The following MTTP variants were observed in gnomAD, a reference collection of about 807,000 sequenced individuals.
MTTP encodes the protein microsomal triglyceride transfer protein, also known as microsomal triglyceride transfer protein large subunit.
A neutral mutation model predicts 90.6 loss-of-function variants in MTTP; 49 were observed. The observed-to-expected ratio is 0.54, with a 90% CI of 0.43 to 0.69. The LOEUF (loss-of-function observed/expected upper bound fraction) is 0.69, where lower values mean the gene tolerates loss of function less well. MTTP is among the 30% of genes least tolerant of loss of function. The pLI, the probability that MTTP is intolerant of heterozygous loss-of-function variation, is 0.00. For missense variants in MTTP, 945 were observed against 1,067.5 expected, an observed-to-expected ratio of 0.89 and a Z score of 1.60; for synonymous variants, 347 against 384.2, an observed-to-expected ratio of 0.90 and a Z score of 1.13.
At chr4:99,569,312 C>G (rs1724781529) in intron 1 of MTTP, among the ~76,000 whole-genome samples, 1 of 151,860 alleles carries the variant, frequency 6.6e-6, no homozygotes, top group East Asian at 1.9e-4. Context: ...CTATTACAGC[C>G]AAGAGGAGCC....
intron 8 of MTTP, among the ~76,000 whole-genome samples, chr4:99,597,917 TTGA>T (rs1161519713): frequency 6.6e-6 from 1 of 152,172 alleles, no homozygotes; most frequent in Non-Finnish European, 1.5e-5. Context: ...ATTATCCTAA[TTGA>T]TGATATAGAA....
chr4:99,564,314 CTG>C, intron 1 of MTTP: 2 of 1,408,798 alleles, frequency 1.4e-6, no homozygotes, highest in Non-Finnish European at 9.5e-7. Context: ...CCTAATTTTT[CTG>C]TGTTGAAAAT....
chr4:99,606,153 A>G (rs1431705664), intron 10 of MTTP, among the ~76,000 whole-genome samples: 1 of 152,134 alleles, frequency 6.6e-6, no homozygotes, highest in African/African-American at 2.4e-5. Context: ...CCTTTTTCTC[A>G]GACTAGGACA....
intron 3 of MTTP, chr4:99,583,936 G>T (rs974339717): frequency 8.4e-6 from 2 of 237,186 alleles, no homozygotes; most frequent in African/African-American, 4.6e-5. Context: ...GATTTGTTAT[G>T]AGATTATCGA....
intron 3 of MTTP, among the ~76,000 whole-genome samples, chr4:99,588,958 T>A (rs1354898207): frequency 6.0e-5 from 5 of 82,934 alleles, no homozygotes; most frequent in Non-Finnish European, 1.1e-4. Context: ...TATACACACA[T>A]ATATATGTTC....
Position 99,622,905 on chromosome 4 carries a change from A to G in MTTP, c.*57A>G. 1 of 1,542,526 alleles carries G rather than the reference A, an allele frequency of 6.5e-7. No homozygotes were observed. Among genetic ancestry groups the G allele is most frequent in the Non-Finnish European group, 9.0e-7 (1 of 1,115,150 alleles). ...CTCCCCGAAAGGGACACAATGTGGC[A>G]TGACTAAGTACTTGCTCTCTGAGAG... On this transcript the variant is annotated 3_prime_UTR_variant, in exon 18 of 18. Coordinates refer to ENST00000265517, the MANE Select transcript of MTTP (RefSeq NM_001386140.1).
intron 15 of MTTP, among the ~76,000 whole-genome samples, chr4:99,618,084 T>C (rs1726140680): frequency 6.6e-6 from 1 of 152,174 alleles, no homozygotes. Context: ...ACAGTATATA[T>C]TCATACAATT....
intron 16 of MTTP, 147 bp downstream of exon 16, chr4:99,619,245 T>C: frequency 1.2e-6 from 1 of 812,110 alleles, no homozygotes; most frequent in South Asian, 1.6e-5. Context: ...TTGGAAGTGA[T>C]CATAGGAAAT....
chr4:99,619,004 A>C lies in MTTP; in HGVS notation c.2248A>C (p.Asn750His). 1 of 1,613,350 alleles carries C rather than the reference A, an allele frequency of 6.2e-7. No homozygotes were observed. The highest frequency in any genetic ancestry group is 8.5e-7 in the Non-Finnish European group (1 of 1,179,364). ...TCAGTTACAATCTGGACTAAAAGCC[A>C]ATATAGAGGTCCAGGGTGGTCTAGC... Reference protein sequence around the residue: ...ELQLQSGLKANIEVQGGLAID... With the variant: ...ELQLQSGLKAHIEVQGGLAID... Residue 750 changes from asparagine to histidine, a missense_variant, in exon 16 of 18, where the codon AAT (asparagine) becomes CAT (histidine). Transcript: ENST00000265517.
At chr4:99,573,612 G>T (rs1021749175), upstream of MTTP, among the ~76,000 whole-genome samples, 2 of 152,074 alleles carry the variant, frequency 1.3e-5, no homozygotes, top group African/African-American at 4.8e-5. Flanking sequence ...GAGGAAATAT[G>T]CTTAACTTTG....
At chr4:99,603,040 AT>A in intron 10 of MTTP, among the ~76,000 whole-genome samples, 1 of 152,252 alleles carries the variant, frequency 6.6e-6, no homozygotes, top group East Asian at 1.9e-4. Flanking sequence ...CAAAATAACA[AT>A]TTTTGCACTT....
At chr4:99,568,472 T>G (rs1290177417) in intron 1 of MTTP, among the ~76,000 whole-genome samples, 1 of 152,176 alleles carries the variant, frequency 6.6e-6, no homozygotes, top group Non-Finnish European at 1.5e-5. Context: ...TGCAAAACTC[T>G]GATGAAAGAA....
rs371830180 is a variant in MTTP, at chr4:99,604,536, G to T, written c.1345-2212G>T. Among the ~76,000 whole-genome samples, 17 of 152,042 alleles carry T rather than the reference G, an allele frequency of 1.1e-4. 1 individual carries two copies. The highest frequency in any genetic ancestry group is 3.9e-4 in the African/African-American group (16 of 41,492). On this transcript the variant is annotated intron_variant, in intron 10 of 17. Transcript: ENST00000265517. The stretch of plus-strand genomic sequence containing the variant: ...CAGTTGTTAACGTATTTTCATCTTT[G>T]CTTTATCTCTTTCTGTCTTATTTTA...
chr4:99,575,463 C>G (rs1218115832), intron 1 of MTTP, among the ~76,000 whole-genome samples: 3 of 152,018 alleles, frequency 2.0e-5, no homozygotes, highest in African/African-American at 7.2e-5. Flanking sequence ...AATGGCACAA[C>G]ATATATTTAA....
intron 9 of MTTP, 133 bp downstream of exon 9, chr4:99,600,866 G>T: frequency 2.3e-6 from 2 of 868,924 alleles, no homozygotes; most frequent in Non-Finnish European, 3.5e-6. Context: ...TTCAAATTGG[G>T]GTATTTTCTA....
intron 8 of MTTP, among the ~76,000 whole-genome samples, chr4:99,598,651 G>GTTTTTT (rs1218276836): frequency 6.5e-5 from 7 of 108,474 alleles, no homozygotes; most frequent in African/African-American, 7.9e-5. Flanking sequence ...CTTCAAGGAA[G>GTTTTTT]TCTTTTTTTT....
intron 3 of MTTP, among the ~76,000 whole-genome samples, chr4:99,588,615 A>G (rs1725314934): frequency 6.6e-6 from 1 of 151,536 alleles, no homozygotes; most frequent in South Asian, 2.1e-4. Flanking sequence ...TTCTGATGGT[A>G]ACCTCAAAGC....
At chr4:99,577,811 G>A (rs755692902) in intron 1 of MTTP, among the ~76,000 whole-genome samples, 1 of 151,812 alleles carries the variant, frequency 6.6e-6, no homozygotes, top group Non-Finnish European at 1.5e-5. Context: ...TATTTTCAGC[G>A]CCTTCTCTGT....
At chr4:99,622,566 C>T in intron 17 of MTTP, 111 bp from the exon 18 acceptor site, 1 of 1,166,908 alleles carries the variant, frequency 8.6e-7, no homozygotes, top group African/African-American at 1.5e-5. Context: ...CATATCCTTT[C>T]TCAGATTGCT....
Sources: allele counts gnomAD v4.1 joint callset (sites outside exome capture counted in the v4.1 genomes callset), GRCh38; gene constraint gnomAD v4.1.1; transcripts MANE v1.5; gene names NCBI Gene and HGNC (gene_info 2026-07-23, HGNC 2026-07-21).